The following ATRX variants were observed in gnomAD, a reference collection of about 807,000 sequenced individuals.
ATRX encodes chromatin remodeler ATRX.
ATRX carries 12 observed loss-of-function variants against 172.6 expected under a neutral mutation model. The ratio of observed to expected loss-of-function variants is 0.07; its 90% CI spans 0.04 to 0.11. The LOEUF is 0.11. ATRX is among the 10% of genes least tolerant of loss of function. ATRX has a pLI of 1.00. For synonymous variants in ATRX, 674 were observed against 594.7 expected (o/e 1.13, Z -1.94); for missense variants, 1,368 against 1,767.4 (o/e 0.77, Z 4.05).
At chrX:77,515,099 A>G (rs1376543631) in intron 34 of ATRX, among the ~76,000 whole-genome samples, 1 of 111,590 alleles carries the variant, frequency 9.0e-6, no homozygotes, top group Non-Finnish European at 1.9e-5. Context: ...TAAAAAGTCA[A>G]AAGATGCTGG....
intron 1 of ATRX, among the ~76,000 whole-genome samples, chrX:77,737,243 T>A (rs1295251851): frequency 9.1e-6 from 1 of 109,654 alleles, no homozygotes; most frequent in African/African-American, 3.3e-5. Flanking sequence ...GCCAACATGG[T>A]GAAACCCCGT....
At chrX:77,694,902 G>C (rs782231803) in intron 5 of ATRX, among the ~76,000 whole-genome samples, 1 of 49,077 alleles carries the variant, frequency 2.0e-5, no homozygotes, top group African/African-American at 8.7e-5. Flanking sequence ...CTGAAAGGGT[G>C]GGGGGGGGGA....
At chrX:77,637,183 T>A (rs782024557) in intron 15 of ATRX, among the ~76,000 whole-genome samples, 1 of 111,654 alleles carries the variant, frequency 9.0e-6, no homozygotes, top group Non-Finnish European at 1.9e-5. Context: ...AAGAAAAAAA[T>A]ATTTAGAAAC....
In ATRX at chrX:77,710,983, CTTGA is replaced by C. The variant is rs1215905492; in HGVS notation, c.133+6144_133+6147del. Among the ~76,000 whole-genome samples, 3 of 109,396 alleles carry C rather than the reference CTTGA, an allele frequency of 2.7e-5. No homozygotes were observed. In the East Asian group the frequency reaches 8.6e-4, roughly 31 times the overall value. The allele number at this position is 109,396 out of a possible 115,157, so 95.0% of individuals were successfully genotyped here. A position where few individuals can be genotyped will look rare whatever the true frequency, so the allele number is the denominator to read the frequency against. ...ACACACAAAGTAAAACTGACAAAAT[CTTGA>C]TTAATAGATTTTATCAATGTCAATT... On this transcript the variant is annotated intron_variant, in intron 2 of 34. Coordinates refer to ENST00000373344, the MANE Select transcript of ATRX (RefSeq NM_000489.6).
chrX:77,726,311 A>G (rs1557172857), intron 1 of ATRX, among the ~76,000 whole-genome samples: 1 of 110,547 alleles, frequency 9.0e-6, no homozygotes, highest in African/African-American at 3.3e-5. Context: ...GGATGAGTTC[A>G]TGTCCTATAT....
chrX:77,576,716 A>G (rs1271906827), intron 27 of ATRX, among the ~76,000 whole-genome samples: 1 of 111,569 alleles, frequency 9.0e-6, no homozygotes, highest in East Asian at 2.8e-4. Flanking sequence ...TAATCCCCAT[A>G]CAACATGGAG....
At chrX:77,593,096 C>T (rs1159957414) in intron 26 of ATRX, among the ~76,000 whole-genome samples, 4 of 107,973 alleles carry the variant, frequency 3.7e-5, no homozygotes, top group African/African-American at 6.8e-5. Flanking sequence ...TGGTGGTGTG[C>T]GCCTGTAGTC....
chrX:77,782,372 T>C (rs1386762421), intron 1 of ATRX, among the ~76,000 whole-genome samples: 1 of 112,545 alleles, frequency 8.9e-6, no homozygotes, highest in African/African-American at 3.2e-5. Context: ...GTAATATAGC[T>C]GTCAGCTTTT....
At chrX:77,639,426 C>G (rs1345849948) in intron 15 of ATRX, among the ~76,000 whole-genome samples, 1 of 111,740 alleles carries the variant, frequency 8.9e-6, no homozygotes, top group Non-Finnish European at 1.9e-5. Context: ...GATACAAAGT[C>G]TTAGATGAAA....
At chrX:77,778,924 ATC>A (rs201984699) in intron 1 of ATRX, among the ~76,000 whole-genome samples, 7 of 107,961 alleles carry the variant, frequency 6.5e-5, no homozygotes, top group Non-Finnish European at 1.3e-4. Context: ...TTCAAATGCT[ATC>A]TCTCTTTTTT....
In ATRX at chrX:77,505,922, C is replaced by A; in HGVS notation, c.*2429G>T. On this transcript the variant is annotated 3_prime_UTR_variant, in exon 35 of 35. Coordinates refer to ENST00000373344, the MANE Select transcript of ATRX (RefSeq NM_000489.6). The stretch of plus-strand genomic sequence containing the variant: ...AGTACTTAAGATACTCAATACAGAA[C>A]TGAAAAGCAGTCTAACAGAAACAAA... 5.9e-6 allele frequency: 1 copy of A among 170,018 alleles called. No individual in the cohort carries two copies. Among genetic ancestry groups the A allele is most frequent in the Non-Finnish European group, 1.1e-5 (1 of 87,941 alleles). The allele number at this position is 170,018 out of a possible 1,213,427, so 14.0% of individuals were successfully genotyped here.
rs1557124221 is a variant in ATRX, at chrX:77,663,545, T to C, written c.3957A>G (p.Gln1319=). ...AATCTGAATCTGATTCAGAATTGACTTGATTTTTTGCTTCTAAATGAAGGA... is the reference window on the plus strand; with the variant it reads ...AATCTGAATCTGATTCAGAATTGACCTGATTTTTTGCTTCTAAATGAAGGA... ...ENPGDEEAKN[Q]VNSESDSDSE... Residue 1319 remains glutamine, a synonymous_variant, in exon 12 of 35, where the codon CAA becomes CAG. Transcript: ENST00000373344. 1 of 1,207,048 alleles carries C rather than the reference T, an allele frequency of 8.3e-7. No homozygotes were observed. The highest frequency in any genetic ancestry group is 3.0e-5 in the East Asian group (1 of 33,821).
At chrX:77,579,276 C>G (rs1385884610) in intron 27 of ATRX, among the ~76,000 whole-genome samples, 4 of 112,358 alleles carry the variant, frequency 3.6e-5, no homozygotes, top group Non-Finnish European at 7.5e-5. Flanking sequence ...GAATGTACAG[C>G]CCTTGGGCCT....
chrX:77,643,033 T>C (rs1557111851), intron 15 of ATRX, among the ~76,000 whole-genome samples: 1 of 111,890 alleles, frequency 8.9e-6, no homozygotes, highest in African/African-American at 3.3e-5. Context: ...TTACTTGTCC[T>C]TGCCCCACCA....
intron 27 of ATRX, among the ~76,000 whole-genome samples, chrX:77,586,624 G>A (rs1393253943): frequency 1.8e-5 from 2 of 112,235 alleles, no homozygotes; most frequent in Middle Eastern, 4.6e-3. Flanking sequence ...TAATCCAACT[G>A]TTCTGGAAAA....
At chrX:77,651,107 C>T (rs1260951644) in intron 15 of ATRX, among the ~76,000 whole-genome samples, 1 of 105,329 alleles carries the variant, frequency 9.5e-6, no homozygotes, top group Non-Finnish European at 1.9e-5. Context: ...ATCTCAGATA[C>T]TCAGGAGGCT....
rs2148681656 is a variant in ATRX at position 77,697,628 on chromosome X, C to T, written c.197G>A (p.Ser66Asn). ...TGAAGACTTGGATTTTTCTGAAGAG[C>T]TAGTTCCCTAGATGTGAGACATAAA... ...MMENSKEEGTSSSEKSKSSGS... is the reference protein window; with the variant it reads ...MMENSKEEGTNSSEKSKSSGS... Residue 66 changes from serine to asparagine, a missense_variant, in exon 4 of 35, where the codon AGC (serine) becomes AAC (asparagine). Physicochemically the swap from Ser to Asn is conservative, Grantham distance 46. Transcript: ENST00000373344. The T allele has an allele frequency of 8.3e-7, 1 of 1,208,255 alleles. No individual in the cohort carries two copies. The highest frequency in any genetic ancestry group is 1.8e-5 in the South Asian group (1 of 56,665).
Position 77,633,716 on chromosome X carries a change from T to C in ATRX, c.4810-4A>G. 3 of 1,204,815 alleles carry C rather than the reference T, an allele frequency of 2.5e-6. No homozygotes were observed. The highest frequency in any genetic ancestry group is 3.4e-6 in the Non-Finnish European group (3 of 890,594). On this transcript the variant is annotated splice_region_variant and splice_polypyrimidine_tract_variant and intron_variant, in intron 17 of 34. Transcript: ENST00000373344. Reference sequence around the variant, plus strand: ...CTGTATGAAGAAAACTTACCACCTATAAGAAAACAGATTGTCACCTTCGTT... The same window carrying C: ...CTGTATGAAGAAAACTTACCACCTACAAGAAAACAGATTGTCACCTTCGTT...
rs45489496 is a variant in ATRX at position 77,697,752 on chromosome X, C to T, written c.190-117G>A. The T allele has an allele frequency of 2.5e-3, 1,358 of 548,697 alleles. 14 individuals carry two copies. In the African/African-American group the frequency reaches 0.027, roughly 11 times the overall value. 45.2% of individuals were successfully genotyped at this position (548,697 alleles called of 1,213,427 possible). On this transcript the variant is annotated intron_variant, in intron 3 of 34. Coordinates refer to ENST00000373344, the MANE Select transcript of ATRX (RefSeq NM_000489.6). ...GATATAATGAGATGCTATTTATGTGCCTAGAATATTTTTCTAAAAGGAACT... is the reference window on the plus strand; with the variant it reads ...GATATAATGAGATGCTATTTATGTGTCTAGAATATTTTTCTAAAAGGAACT...
Sources: gnomAD v4.1 joint callset for allele counts (sites outside exome capture counted in the v4.1 genomes callset) on GRCh38, gnomAD v4.1.1 for gene constraint, MANE v1.5 for transcripts, NCBI Gene and HGNC (gene_info 2026-07-23, HGNC 2026-07-21) for gene names.